PRRC2C: variants seen among roughly 807,000 people sequenced by gnomAD.
PRRC2C encodes proline rich coiled-coil 2C.
PRRC2C carries 72 observed loss-of-function variants against 317.2 expected under a neutral mutation model. The observed-to-expected ratio is 0.23, with a 90% CI of 0.19 to 0.28. PRRC2C has a LOEUF of 0.28. Among genes scored for constraint, PRRC2C ranks in the 10% least tolerant of loss-of-function variants. PRRC2C has a pLI of 1.00. For missense variants in PRRC2C, 3,074 were observed against 3,459.7 expected (o/e 0.89, Z 2.80); for synonymous variants, 1,296 against 1,205.9 (o/e 1.07, Z -1.55).
rs1681770611 is a variant in PRRC2C, at chr1:171,557,925, CCCACAA to C, written c.5814_5819del (p.His1939_Lys1940del). On this transcript the variant is annotated inframe_deletion, in exon 19 of 35. Coordinates refer to ENST00000647382, the MANE Select transcript of PRRC2C (RefSeq NM_001387844.1). The stretch of plus-strand genomic sequence containing the variant: ...GCCCCAGCCCAGACTCAGGCACAGA[CCCACAA>C]ACCAGTCCAGAATCCACTACAGACT... 1.3e-6 allele frequency: 2 copies of C among 1,579,740 alleles called. No homozygotes were observed. The highest frequency in any genetic ancestry group is 1.7e-6 in the Non-Finnish European group (2 of 1,164,050).
intron 17 of PRRC2C, among the ~76,000 whole-genome samples, chr1:171,546,527 G>A (rs1679146893): frequency 6.6e-6 from 1 of 152,190 alleles, no homozygotes; most frequent in Non-Finnish European, 1.5e-5. Context: ...TTGACCAGTG[G>A]TTCTCAAAGT....
At chr1:171,494,864 T>C (rs1667841288) in intron 1 of PRRC2C, among the ~76,000 whole-genome samples, 3 of 152,100 alleles carry the variant, frequency 2.0e-5, no homozygotes. Flanking sequence ...GCCTGGGGTC[T>C]CAGCATTAGG....
At chr1:171,591,218 A>G in intron 34 of PRRC2C, 1 of 1,011,244 alleles carries the variant, frequency 9.9e-7, no homozygotes, top group Non-Finnish European at 1.2e-6. Flanking sequence ...ATGCCACAAT[A>G]TAAGTGCTTC....
At chr1:171,525,869 A>G (rs892855583) in intron 10 of PRRC2C, among the ~76,000 whole-genome samples, 3 of 152,194 alleles carry the variant, frequency 2.0e-5, no homozygotes, top group Admixed American at 2.0e-4. Context: ...AATTCTAAGT[A>G]GTTTGATATA....
chr1:171,566,233 G>A lies in PRRC2C; in HGVS notation c.6118G>A (p.Gly2040Arg), dbSNP rs1234462610. 1 of 1,606,696 alleles carries A rather than the reference G, an allele frequency of 6.2e-7. No individual in the cohort carries two copies. The highest frequency in any genetic ancestry group is 8.5e-7 in the Non-Finnish European group (1 of 1,176,392). ...AAGTTTTAAAATATTCTTTTACTAG[G>A]GAGCGAAGAATGGTCAAGAAAGTGG... is the stretch of plus-strand genomic sequence containing the variant. Reference protein sequence around the residue: ...TSFGSAPSSEGAKNGQESGLE... With the variant: ...TSFGSAPSSERAKNGQESGLE... Residue 2040 changes from glycine (G) to arginine (R), a missense_variant and splice_region_variant, in exon 21 of 35, where the codon GGA becomes AGA. Around this residue, in one of 11 missense-constraint regions of PRRC2C, gnomAD observed 640 missense variants for 676.1 expected, o/e 0.95. Coordinates refer to ENST00000647382, the MANE Select transcript of PRRC2C (RefSeq NM_001387844.1).
In PRRC2C at chr1:171,513,032, C is replaced by T. The variant is rs138939414; in HGVS notation, c.150C>T (p.Val50=). 7.2e-4 allele frequency: 1,157 copies of T among 1,612,924 alleles called. 12 individuals are homozygous for T. Among genetic ancestry groups the T allele is most frequent in the Non-Finnish European group, 3.3e-4 (390 of 1,179,532 alleles). ...ATGGATTACAGAGTCTTGGAAAAGT[C>T]GGTATTTCACGGCGTATGCCTCCAC... ...ARHGLQSLGK[V]GISRRMPPPA... Residue 50 remains valine, a synonymous_variant, in exon 3 of 35, where the codon GTC becomes GTT. Transcript: ENST00000647382.
chr1:171,492,792 G>A (rs554673371), intron 1 of PRRC2C, among the ~76,000 whole-genome samples: 20 of 136,808 alleles, frequency 1.5e-4, no homozygotes, highest in Admixed American at 4.6e-4. Context: ...TCTCTCTGTC[G>A]CCCAGGCTGG....
Position 171,583,107 on chromosome 1 carries a change from A to G in PRRC2C, c.7410-849A>G, listed in dbSNP as rs560045265. ...TCCAGCCTCAGCTTCCCAAGTAGCT[A>G]GGACTACAGGCACTTGCTACCATGC... On this transcript the variant is annotated intron_variant, in intron 28 of 34. Transcript: ENST00000647382. 2.0e-5 allele frequency among the ~76,000 whole-genome samples: 3 copies of G among 152,054 alleles called. No individual in the cohort carries two copies. In the East Asian group the frequency reaches 5.8e-4, roughly 29 times the overall value.
intron 30 of PRRC2C, among the ~76,000 whole-genome samples, chr1:171,584,807 CTG>C (rs1649486303): frequency 6.6e-6 from 1 of 151,950 alleles, no homozygotes; most frequent in Non-Finnish European, 1.5e-5. Context: ...TTGTTTTTTT[CTG>C]TCACCTAGGC....
intron 6 of PRRC2C, among the ~76,000 whole-genome samples, chr1:171,518,462 A>ATTTTTTTCAATTTTTTTTCAAT (rs751739893): frequency 1.5e-3 from 153 of 99,116 alleles, no homozygotes; most frequent in South Asian, 3.5e-3. Flanking sequence ...TACTTTTAAT[A>ATTTTTTTCAATTTTTTTTCAAT]TTTTTTTCAA....
intron 18 of PRRC2C, among the ~76,000 whole-genome samples, chr1:171,551,759 A>C (rs1343983973): frequency 1.3e-5 from 2 of 152,196 alleles, no homozygotes; most frequent in East Asian, 3.9e-4. Flanking sequence ...TTTGCCAAAA[A>C]TCAGATGGTT....
intron 1 of PRRC2C, among the ~76,000 whole-genome samples, chr1:171,505,906 C>T (rs554478866): frequency 1.2e-4 from 18 of 152,210 alleles, no homozygotes; most frequent in East Asian, 5.8e-4. Flanking sequence ...AGACATGTTT[C>T]GATATACAAA....
chr1:171,579,736 T>C (rs777611869), intron 27 of PRRC2C, 92 bp from the exon 28 acceptor site: 17 of 1,392,268 alleles, frequency 1.2e-5, no homozygotes, highest in Non-Finnish European at 1.6e-5. Flanking sequence ...AATTTTACTC[T>C]TTTCATGTCT....
chr1:171,487,440 A>G (rs1666336422), intron 1 of PRRC2C, among the ~76,000 whole-genome samples: 1 of 152,194 alleles, frequency 6.6e-6, no homozygotes, highest in Non-Finnish European at 1.5e-5. Context: ...TGACTAGTAT[A>G]TGAATATTGT....
At chr1:171,563,148 G>A (rs1050859144) in intron 20 of PRRC2C, among the ~76,000 whole-genome samples, 1 of 152,014 alleles carries the variant, frequency 6.6e-6, no homozygotes, top group African/African-American at 2.4e-5. Flanking sequence ...GAGTTTAAGA[G>A]GAAATGAAAG....
chr1:171,491,821 A>G (rs1317188553), intron 1 of PRRC2C, among the ~76,000 whole-genome samples: 1 of 152,216 alleles, frequency 6.6e-6, no homozygotes, highest in Non-Finnish European at 1.5e-5. Context: ...ACACAATTTA[A>G]TCTTACCCAA....
chr1:171,577,771 ATTTTTTTTTTT>A, intron 26 of PRRC2C, 134 bp downstream of exon 26: 2 of 299,572 alleles, frequency 6.7e-6, no homozygotes, highest in Non-Finnish European at 1.1e-5. Context: ...TTAAATTCGC[ATTTTTTTTTTT>A]TTTTTTTTTT....
intron 20 of PRRC2C, among the ~76,000 whole-genome samples, chr1:171,565,524 T>G (rs950390197): frequency 6.6e-6 from 1 of 152,206 alleles, no homozygotes; most frequent in South Asian, 2.1e-4. Context: ...CTAGGCTCAC[T>G]GCAACGTCCA....
intron 24 of PRRC2C, 34 bp from the exon 25 acceptor site, chr1:171,574,892 CA>C: frequency 6.3e-7 from 1 of 1,583,970 alleles, no homozygotes; most frequent in South Asian, 1.1e-5. Context: ...GTATTAACAT[CA>C]TTTTTTTACT....
Sources: allele counts gnomAD v4.1 joint callset (sites outside exome capture counted in the v4.1 genomes callset), GRCh38; gene constraint gnomAD v4.1.1; regional missense constraint gnomAD v4.1.1; transcripts MANE v1.5; gene names NCBI Gene and HGNC (gene_info 2026-07-23, HGNC 2026-07-21).